The following PCSK7 variants were observed in gnomAD, a reference collection of about 807,000 sequenced individuals.
The protein encoded by PCSK7 is proprotein convertase subtilisin/kexin type 7, also known as lymphoma proprotein convertase.
PCSK7 carries 38 observed loss-of-function variants against 73.3 expected under a neutral mutation model. The ratio of observed to expected loss-of-function variants is 0.52; its 90% CI spans 0.40 to 0.68. The LOEUF is 0.68. Ranked by LOEUF, PCSK7 falls within the 30% of genes least tolerant of loss-of-function variation. The probability of loss-of-function intolerance (pLI) is 0.00; values close to 1 mark genes in which losing one functional copy is unlikely to be tolerated. For synonymous variants in PCSK7, 296 were observed against 383.8 expected, an observed-to-expected ratio of 0.77 and a Z score of 2.68; for missense variants, 692 against 991.5, an observed-to-expected ratio of 0.70 and a Z score of 4.06.
At chr11:117,212,729 T>G (rs2134294275) in intron 12 of PCSK7, 1 of 149,752 alleles carries the variant, frequency 6.7e-6, no homozygotes, top group South Asian at 2.1e-4. Flanking sequence ...TTTTTTTTTT[T>G]TTTGAGACAG....
intron 9 of PCSK7, 96 bp from the exon 10 acceptor site, chr11:117,219,854 G>T: frequency 1.1e-6 from 1 of 885,978 alleles, no homozygotes. Context: ...GGGAGGCCCA[G>T]GCAGGAGGAT....
At chr11:117,215,557 C>G (rs1041533075) in intron 12 of PCSK7, 2 of 150,190 alleles carry the variant, frequency 1.3e-5, no homozygotes, top group Admixed American at 6.6e-5. Context: ...CCCACCACCA[C>G]GCCTGGCTAA....
chr11:117,223,319 A>G lies in PCSK7; in HGVS notation c.1055-11T>C, dbSNP rs1258843144. On this transcript the variant is annotated splice_polypyrimidine_tract_variant and intron_variant, in intron 8 of 16. Transcript: ENST00000320934. ...CCTCATCCACAGCTCCTAGGGACAG[A>G]GGAGGGAGATTAGAGCTGAGATGCA... The G allele has an allele frequency of 1.3e-6, 2 of 1,551,588 alleles. No individual in the cohort carries two copies. Among genetic ancestry groups the G allele is most frequent in the African/African-American group, 1.4e-5 (1 of 73,758 alleles).
rs1281963250 is a variant in PCSK7 at position 117,205,453 on chromosome 11, A to T, written c.*544T>A. On this transcript the variant is annotated 3_prime_UTR_variant, in exon 17 of 17. Transcript: ENST00000320934. ...CAGCTGTGCCGGCAGCATCATACCAATCGTGGGGGTGGTGAAGGAGCCAGG... is the reference window on the plus strand; with the variant it reads ...CAGCTGTGCCGGCAGCATCATACCATTCGTGGGGGTGGTGAAGGAGCCAGG... The T allele has an allele frequency of 4.3e-6, 1 of 233,600 alleles. No individual in the cohort carries two copies. The highest frequency in any genetic ancestry group is 8.5e-6 in the Non-Finnish European group (1 of 118,220). The allele number at this position is 233,600 out of a possible 1,614,324, so 14.5% of individuals were successfully genotyped here. A position where few individuals can be genotyped will look rare whatever the true frequency, so the allele number is the denominator to read the frequency against.
chr11:117,228,204 AG>A lies in PCSK7; in HGVS notation c.603+11del. ...CGTGGGGAGTGAGGGGTGTCGTTCC[AG>A]GGCCACTCACATAGTTGGGTGCAAT... On this transcript the variant is annotated intron_variant, in intron 4 of 16. Transcript: ENST00000320934. 1 of 1,612,670 alleles carries A rather than the reference AG, an allele frequency of 6.2e-7. No homozygotes were observed. The highest frequency in any genetic ancestry group is 8.5e-7 in the Non-Finnish European group (1 of 1,179,098).
Position 117,224,683 on chromosome 11 carries a change from T to G in PCSK7, c.915+18A>C. 1 of 1,605,332 alleles carries G rather than the reference T, an allele frequency of 6.2e-7. No individual in the cohort carries two copies. The highest frequency in any genetic ancestry group is 1.3e-5 in the African/African-American group (1 of 74,858). ...AGAGGGCATCCCGTTTCTCAGAGTC[T>G]TTGTGCAGGCCAGTTACCTTTCCAA... On this transcript the variant is annotated intron_variant, in intron 7 of 16. Transcript: ENST00000320934.
At chr11:117,217,416 G>C (rs2032029923) in intron 12 of PCSK7, 1 of 152,252 alleles carries the variant, frequency 6.6e-6, no homozygotes, top group African/African-American at 2.4e-5. Flanking sequence ...GAACTTCTCT[G>C]ACTTGGCTGA....
In PCSK7 at chr11:117,229,308, CA is replaced by C. The variant is rs1368463531; in HGVS notation, c.468+68del. 3.3e-6 allele frequency: 4 copies of C among 1,195,044 alleles called. No individual in the cohort carries two copies. In the Admixed American group the frequency reaches 7.4e-5, roughly 22 times the overall value. 74.0% of individuals were successfully genotyped at this position (1,195,044 alleles called of 1,614,324 possible). ...GGAGGTGACTGAAGAGTGATATAGT[CA>C]AAAGCCCATTAAAGAACTGGACTGG... On this transcript the variant is annotated intron_variant, in intron 3 of 16. Coordinates refer to ENST00000320934, the MANE Select transcript of PCSK7 (RefSeq NM_004716.4).
chr11:117,229,915 G>A, intron 2 of PCSK7, 59 bp from the exon 3 acceptor site: 1 of 1,033,618 alleles, frequency 9.7e-7, no homozygotes, highest in South Asian at 1.7e-5. Context: ...GCAGGAATCT[G>A]AGAGGGAGAT....
In PCSK7 at chr11:117,219,140, C is replaced by A. The variant is rs747224044; in HGVS notation, c.1348G>T (p.Val450Phe). ...TGGCTGAAGCCTGCCTCGTTGGTGA[C>A]CCACTCTGCACGGCGATCCTCATAC... ...TRYEDRRAEW[V>F]TNEAGFSHSH... Residue 450 changes from valine (V) to phenylalanine (F), a missense_variant, in exon 11 of 17, where the codon GTC becomes TTC. Physicochemically the swap from Val to Phe is conservative, Grantham distance 50. Transcript: ENST00000320934. 27 of 1,610,820 alleles carry A rather than the reference C, an allele frequency of 1.7e-5. No individual in the cohort carries two copies. Among genetic ancestry groups the A allele is most frequent in the Non-Finnish European group, 2.1e-5 (25 of 1,179,676 alleles).
chr11:117,219,207 G>A (rs2032102958), intron 10 of PCSK7, 43 bp from the exon 11 acceptor site: 2 of 1,382,396 alleles, frequency 1.4e-6, no homozygotes, highest in Non-Finnish European at 2.0e-6. Context: ...CATTGCCAGT[G>A]TAGTCTCAAC....
At chr11:117,230,744 G>C (rs150982733) in intron 1 of PCSK7, among the ~76,000 whole-genome samples, 13 of 152,186 alleles carry the variant, frequency 8.5e-5, no homozygotes, top group Admixed American at 8.5e-4. Flanking sequence ...TCTTGAAAGA[G>C]TAGGTAATAA....
chr11:117,214,545 C>G (rs76604009), intron 12 of PCSK7: 4 of 152,156 alleles, frequency 2.6e-5, no homozygotes, highest in African/African-American at 9.7e-5. Flanking sequence ...GGAGGAGAGA[C>G]GTTGCAACAA....
In PCSK7 at chr11:117,218,687, C is replaced by A. The variant is rs763803849; in HGVS notation, c.1432-119G>T. ...GAAGGTTTAGCTGTCTTTATTTTTC[C>A]ACTCCTCATCATCTTCCTTCAGCCC... On this transcript the variant is annotated intron_variant, in intron 11 of 16. Coordinates refer to ENST00000320934, the MANE Select transcript of PCSK7 (RefSeq NM_004716.4). The surrounding 1 kb of genome is among the most constrained non-coding windows in gnomAD (Gnocchi z 4.0). 2 of 609,774 alleles carry A rather than the reference C, an allele frequency of 3.3e-6. No individual in the cohort carries two copies. The highest frequency in any genetic ancestry group is 5.7e-5 in the East Asian group (2 of 35,366). 37.8% of individuals were successfully genotyped at this position (609,774 alleles called of 1,614,324 possible).
In PCSK7 at chr11:117,219,110, G is replaced by C. The variant is rs1190655295; in HGVS notation, c.1378C>G (p.His460Asp). 1 of 1,611,154 alleles carries C rather than the reference G, an allele frequency of 6.2e-7. No individual in the cohort carries two copies. The highest frequency in any genetic ancestry group is 8.5e-7 in the Non-Finnish European group (1 of 1,179,946). The change falls in exon 11 of 17, where the codon CAC (histidine) becomes GAC (aspartate). Residue 460 changes from histidine to aspartate, a missense_variant. This residue lies in a region of PCSK7 where 574 missense variants were observed against 689.8 expected (regional missense o/e 0.83). Transcript: ENST00000320934. ...TTGAGGAGGCCGAAACCGTGCTGGT[G>C]GCTATGGCTGAAGCCTGCCTCGTTG... Reference protein sequence around the residue: ...VTNEAGFSHSHQHGFGLLNAW... With the variant: ...VTNEAGFSHSDQHGFGLLNAW...
intron 12 of PCSK7, chr11:117,211,109 C>T (rs567621784): frequency 1.3e-5 from 2 of 152,108 alleles, no homozygotes; most frequent in Non-Finnish European, 2.9e-5. Context: ...TGAGCAAGGA[C>T]AGGGGTGTTT....
chr11:117,206,843 C>T, intron 15 of PCSK7, 45 bp from the exon 16 acceptor site: 1 of 673,622 alleles, frequency 1.5e-6, no homozygotes, highest in Non-Finnish European at 2.7e-6. Flanking sequence ...GACTATGGTT[C>T]CTATACCATC....
intron 12 of PCSK7, chr11:117,215,106 C>T (rs2031904608): frequency 6.6e-6 from 1 of 152,150 alleles, no homozygotes; most frequent in Admixed American, 6.5e-5. Context: ...TTTAGCAGCA[C>T]TTCTCAATAT....
rs1252435036 is a variant in PCSK7, at chr11:117,206,194, C to A, written c.2161G>T (p.Glu721Ter). The change falls in exon 17 of 17, where the codon GAA (glutamate) becomes TAA (stop). Residue 721 changes from glutamate (E) to a stop codon, truncating the protein, a stop_gained. Coordinates refer to ENST00000320934, the MANE Select transcript of PCSK7 (RefSeq NM_004716.4). LOFTEE classifies it low-confidence loss of function (END_TRUNC). ...RKAKEEGTEL[E>*]SVPLCSSKDP... ...TTGCTGCTGCAAAGTGGCACTGATT[C>A]TAGCTCTGTCCCTTCCTCCTTGGCT... 3.1e-6 allele frequency: 5 copies of A among 1,613,986 alleles called. No homozygotes were observed. Among genetic ancestry groups the A allele is most frequent in the Middle Eastern group, 1.6e-4 (1 of 6,082 alleles).
Sources: gnomAD v4.1 joint callset for allele counts (sites outside exome capture counted in the v4.1 genomes callset) on GRCh38, gnomAD v4.1.1 for gene constraint, gnomAD v4.1.1 regional missense constraint, Gnocchi (gnomAD v3.1) non-coding constraint, MANE v1.5 for transcripts, NCBI Gene and HGNC (gene_info 2026-07-23, HGNC 2026-07-21) for gene names.